The following COPB2 variants were observed in gnomAD, a reference collection of about 807,000 sequenced individuals.
COPB2 encodes coat protein complex I subunit beta 2, also known as coatomer subunit beta'.
COPB2 carries 16 observed loss-of-function variants against 120.8 expected under a neutral mutation model. The ratio of observed to expected loss-of-function variants is 0.13; its 90% CI spans 0.09 to 0.20. COPB2 has a LOEUF of 0.20. COPB2 is among the 10% of genes least tolerant of loss of function. The pLI is 1.00. For synonymous variants in COPB2, 332 were observed against 366.3 expected (o/e 0.91, Z 1.07); for missense variants, 794 against 1,076.5 (o/e 0.74, Z 3.67).
intron 19 of COPB2, 80 bp from the exon 20 acceptor site, chr3:139,358,892 A>G: frequency 6.4e-7 from 1 of 1,552,518 alleles, no homozygotes; most frequent in Non-Finnish European, 8.9e-7. Context: ...AATCCCAGAT[A>G]TCAGCTCTTA....
intron 9 of COPB2, 101 bp downstream of exon 9, chr3:139,373,112 A>C (rs1001870047): frequency 3.5e-6 from 4 of 1,159,318 alleles, no homozygotes; most frequent in Non-Finnish European, 3.9e-6. Context: ...CACATTGAGG[A>C]ATGATTAGAG....
intron 2 of COPB2, chr3:139,381,611 T>C (rs1941813148): frequency 6.6e-6 from 1 of 152,028 alleles, no homozygotes; most frequent in African/African-American, 2.4e-5. Flanking sequence ...TGAGATGAAT[T>C]ATGAAAGGGG....
chr3:139,389,240 C>G (rs915804603), intron 1 of COPB2, among the ~76,000 whole-genome samples: 1 of 152,264 alleles, frequency 6.6e-6, no homozygotes, highest in Non-Finnish European at 1.5e-5. Context: ...GAGTTCAACA[C>G]ATTCGGCTTC....
intron 13 of COPB2, 140 bp from the exon 14 acceptor site, chr3:139,367,285 T>A: frequency 9.5e-7 from 1 of 1,054,404 alleles, no homozygotes; most frequent in Non-Finnish European, 1.3e-6. Flanking sequence ...AAAAAAATTT[T>A]CCTTGGAATT....
chr3:139,373,505 C>A, intron 8 of COPB2, 93 bp from the exon 9 acceptor site: 1 of 1,516,014 alleles, frequency 6.6e-7, no homozygotes, highest in Non-Finnish European at 9.0e-7. Flanking sequence ...CAGAGAGCTC[C>A]ATTTCCTTTC....
intron 15 of COPB2, among the ~76,000 whole-genome samples, chr3:139,363,410 T>C (rs1319798679): frequency 6.6e-6 from 1 of 152,184 alleles, no homozygotes; most frequent in Non-Finnish European, 1.5e-5. Flanking sequence ...GTGCTCTTTA[T>C]GAGACTCTTA....
chr3:139,360,298 C>CGGAT (rs1941389283), intron 17 of COPB2, among the ~76,000 whole-genome samples: 1 of 151,340 alleles, frequency 6.6e-6, no homozygotes, highest in Admixed American at 6.6e-5. Context: ...ACGAGGCAGG[C>CGGAT]GGATCATTTG....
chr3:139,366,068 A>G (rs1941509444), intron 15 of COPB2, among the ~76,000 whole-genome samples: 1 of 152,232 alleles, frequency 6.6e-6, no homozygotes, highest in Non-Finnish European at 1.5e-5. Flanking sequence ...AGATATGGAA[A>G]TAAATACCAA....
At chr3:139,376,396 G>A (rs954962473) in intron 5 of COPB2, among the ~76,000 whole-genome samples, 2 of 152,178 alleles carry the variant, frequency 1.3e-5, no homozygotes, top group Non-Finnish European at 2.9e-5. Flanking sequence ...TTTATTGAGT[G>A]CCTATTATAT....
chr3:139,389,332 C>G, intron 1 of COPB2: 1 of 637,220 alleles, frequency 1.6e-6, no homozygotes, highest in Non-Finnish European at 2.3e-6. Flanking sequence ...GACAAAACCC[C>G]TCACTAGCAG....
rs1313658447 is a variant in COPB2 at position 139,357,698 on chromosome 3, A to T, written c.*165T>A. 4.3e-6 allele frequency: 2 copies of T among 462,318 alleles called. No individual in the cohort carries two copies. Among genetic ancestry groups the T allele is most frequent in the Non-Finnish European group, 3.8e-6 (1 of 264,518 alleles). 28.6% of individuals were successfully genotyped at this position (462,318 alleles called of 1,614,324 possible). A position where few individuals can be genotyped will look rare whatever the true frequency, so the allele number is the denominator to read the frequency against. ...CACAGTGATTTAAATGCTGCACATA[A>T]ACTCTTCTTAAGATGATGTGGGCAT... On this transcript the variant is annotated 3_prime_UTR_variant, in exon 22 of 22. Coordinates refer to ENST00000333188, the MANE Select transcript of COPB2 (RefSeq NM_004766.3).
In COPB2 at chr3:139,373,260, G is replaced by A. The variant is rs1367584925; in HGVS notation, c.1047C>T (p.Gly349=). 1 of 1,614,044 alleles carries A rather than the reference G, an allele frequency of 6.2e-7. No homozygotes were observed. The highest frequency in any genetic ancestry group is 1.1e-5 in the South Asian group (1 of 91,074). Reference sequence around the variant, plus strand: ...TAGTCTGAGGGTATATTTCACAACTGCCCATATCCTTTACTGCCAGTGGCA... The same window carrying A: ...TAGTCTGAGGGTATATTTCACAACTACCCATATCCTTTACTGCCAGTGGCA... ...ERLPLAVKDM[G]SCEIYPQTIQ... Residue 349 remains glycine, a synonymous_variant, in exon 9 of 22, where the codon GGC becomes GGT. Coordinates refer to ENST00000333188, the MANE Select transcript of COPB2 (RefSeq NM_004766.3).
At chr3:139,388,868 A>T (rs763986545) in intron 1 of COPB2, among the ~76,000 whole-genome samples, 17 of 150,406 alleles carry the variant, frequency 1.1e-4, no homozygotes, top group Non-Finnish European at 2.1e-4. Context: ...CCTTATTATT[A>T]TAACACTCTT....
At position 139,359,008 on chromosome 3, in the gene COPB2, G is replaced by C; in HGVS notation, c.2474C>G (p.Pro825Arg). ...HADLWPAKQY[P>R]LVTPNEERNV... ...ATCCTGGCCACTCACCGTGACAAGT[G>C]GGTATTGTTTGGCTGGCCACAGATC... The change falls in exon 19 of 22, where the codon CCA becomes CGA. Residue 825 changes from proline to arginine, a missense_variant. Coordinates refer to ENST00000333188, the MANE Select transcript of COPB2 (RefSeq NM_004766.3). 6.2e-7 allele frequency: 1 copy of C among 1,612,506 alleles called. No individual in the cohort carries two copies. The highest frequency in any genetic ancestry group is 8.5e-7 in the Non-Finnish European group (1 of 1,179,454).
chr3:139,370,801 A>G (rs1941611075), intron 10 of COPB2, among the ~76,000 whole-genome samples: 1 of 152,244 alleles, frequency 6.6e-6, no homozygotes, highest in African/African-American at 2.4e-5. Context: ...AGGTGTGCTG[A>G]GAGAAGGCAA....
rs890722563 is a variant in COPB2, at chr3:139,368,053, A to G, written c.1545+92T>C. On this transcript the variant is annotated intron_variant, in intron 13 of 21. Transcript: ENST00000333188. ...AATGCTGTCTCCCTACACCTAATTTATAACGAAATGTTAAAATCAGTAAAG... is the reference window on the plus strand; with the variant it reads ...AATGCTGTCTCCCTACACCTAATTTGTAACGAAATGTTAAAATCAGTAAAG... 21 of 1,397,924 alleles carry G rather than the reference A, an allele frequency of 1.5e-5. No homozygotes were observed. In the African/African-American group the frequency reaches 2.9e-4, roughly 19 times the overall value. The allele number at this position is 1,397,924 out of a possible 1,614,324, so 86.6% of individuals were successfully genotyped here.
intron 1 of COPB2, among the ~76,000 whole-genome samples, chr3:139,387,269 A>C: frequency 6.7e-6 from 1 of 149,084 alleles, no homozygotes; most frequent in East Asian, 1.9e-4. Flanking sequence ...GAAAAGAAAA[A>C]GAAAAGAAAG....
At chr3:139,382,888 G>T in intron 2 of COPB2, 1 of 187,878 alleles carries the variant, frequency 5.3e-6, no homozygotes, top group Non-Finnish European at 1.1e-5. Flanking sequence ...AATCTATATG[G>T]CTGAGTGAAA....
intron 1 of COPB2, among the ~76,000 whole-genome samples, chr3:139,388,844 C>T (rs1447975387): frequency 6.7e-6 from 1 of 150,200 alleles, no homozygotes; most frequent in Admixed American, 6.7e-5. Flanking sequence ...TATTCTTATA[C>T]TATCGTTTTC....
Sources: allele counts gnomAD v4.1 joint callset (sites outside exome capture counted in the v4.1 genomes callset), GRCh38; gene constraint gnomAD v4.1.1; transcripts MANE v1.5; gene names NCBI Gene and HGNC (gene_info 2026-07-23, HGNC 2026-07-21).